Variants in ERCC5 observed in about 807,000 individuals in gnomAD.
ERCC5 encodes DNA excision repair protein ERCC-5.
In ERCC5, 68 loss-of-function variants were observed where a neutral mutation model predicts 105.6. That is an observed-to-expected ratio of 0.64 (90% CI 0.53 to 0.79). ERCC5 has a LOEUF of 0.79. Ranked by LOEUF, ERCC5 falls within the 30% of genes least tolerant of loss-of-function variation. ERCC5 has a pLI of 0.00. For synonymous variants in ERCC5, 546 were observed against 526.2 expected, an observed-to-expected ratio of 1.04 and a Z score of -0.51; for missense variants, 1,373 against 1,426.7, an observed-to-expected ratio of 0.96 and a Z score of 0.61.
Position 102,868,120 on chromosome 13 carries a change from C to T in ERCC5, c.2541C>T (p.Asp847=), listed in dbSNP as rs1595387522. ...AATATTGTTACTCTTTAGGATTGGACCGGAATAAGTTAATAAATTTGGCTT... is the reference window on the plus strand; with the variant it reads ...AATATTGTTACTCTTTAGGATTGGATCGGAATAAGTTAATAAATTTGGCTT... The part of the protein sequence containing the change: ...YVDFHNQLGL[D]RNKLINLAYL... The change falls in exon 12 of 15, where the codon GAC becomes GAT. Residue 847 remains aspartate (D), a synonymous_variant. Coordinates refer to ENST00000652225, the MANE Select transcript of ERCC5 (RefSeq NM_000123.4). 1.2e-6 allele frequency: 2 copies of T among 1,613,756 alleles called. No individual in the cohort carries two copies.
rs1388482169 is a variant in ERCC5, at chr13:102,865,855, C to T, written c.2143C>T (p.Gln715Ter). 2 of 1,614,200 alleles carry T rather than the reference C, an allele frequency of 1.2e-6. No individual in the cohort carries two copies. The highest frequency in any genetic ancestry group is 1.7e-6 in the Non-Finnish European group (2 of 1,180,038). The change falls in exon 9 of 15, where the codon CAG becomes TAG. Residue 715 changes from glutamine (Q) to a stop codon, truncating the protein, a stop_gained. Transcript: ENST00000652225. LOFTEE classifies it high-confidence loss of function. The surrounding 1 kb of genome is among the most constrained non-coding windows in gnomAD (Gnocchi z 4.0). The stretch of plus-strand genomic sequence containing the variant: ...GAGGGACGACGTGGATGGTGAGCCA[C>T]AGGAAGCTGAGAAAGATGCGGAAGA... Reference protein sequence around the residue: ...SERDDVDGEPQEAEKDAEDSL... With the variant: ...SERDDVDGEP
At chr13:102,860,391 A>G (rs1882576880) in intron 6 of ERCC5, among the ~76,000 whole-genome samples, 2 of 152,198 alleles carry the variant, frequency 1.3e-5, no homozygotes, top group Admixed American at 1.3e-4. Flanking sequence ...TCATGACCTC[A>G]GCGTGTGATA....
In ERCC5 at chr13:102,866,841, A is replaced by G. The variant is rs780791902; in HGVS notation, c.2529A>G (p.Gln843=). The change falls in exon 11 of 15, where the codon CAA becomes CAG. Residue 843 remains glutamine, a synonymous_variant. Transcript: ENST00000652225. ...EYYQYVDFHN[Q]LGLDRNKLIN... ...ATCAATATGTGGACTTTCACAATCA[A>G]TTGGGTAAGACTTCAGAGTCTTTTT... 2 of 1,607,910 alleles carry G rather than the reference A, an allele frequency of 1.2e-6. No homozygotes were observed. The highest frequency in any genetic ancestry group is 1.7e-6 in the Non-Finnish European group (2 of 1,176,284).
At position 102,846,310 on chromosome 13, in the gene ERCC5, G is replaced by A; in HGVS notation, c.44G>A (p.Arg15Gln). Residue 15 changes from arginine to glutamine, a missense_variant, in exon 1 of 15, where the codon CGG (arginine) becomes CAG (glutamine). This residue lies in a region of ERCC5 where 1,004 missense variants were observed against 1,059.7 expected (regional missense o/e 0.95). Coordinates refer to ENST00000652225, the MANE Select transcript of ERCC5 (RefSeq NM_000123.4). ...GLWKLLECSGRQVSPEALEGK... is the reference protein window; with the variant it reads ...GLWKLLECSGQQVSPEALEGK... ...TGGAAGCTGCTGGAGTGCTCCGGGCGGCAGGTCAGCCCCGAAGCGCTGGAA... is the reference window on the plus strand; with the variant it reads ...TGGAAGCTGCTGGAGTGCTCCGGGCAGCAGGTCAGCCCCGAAGCGCTGGAA... The A allele has an allele frequency of 6.2e-7, 1 of 1,614,006 alleles. No individual in the cohort carries two copies. The highest frequency in any genetic ancestry group is 8.5e-7 in the Non-Finnish European group (1 of 1,179,986).
rs748793664 is a variant in ERCC5, at chr13:102,853,816, G to T, written c.324G>T (p.Lys108Asn). Residue 108 changes from lysine (K) to asparagine (N), a missense_variant, in exon 3 of 15, where the codon AAG (lysine) becomes AAT (asparagine). Lys to Asn is a moderately conservative substitution (Grantham distance 94, BLOSUM62 0). Around this residue, in one of 3 missense-constraint regions of ERCC5, gnomAD observed 1,004 missense variants for 1,059.7 expected, o/e 0.95. Coordinates refer to ENST00000652225, the MANE Select transcript of ERCC5 (RefSeq NM_000123.4). Reference sequence around the variant, plus strand: ...GTGACTCCAGGAAAACGACAGAGAAGCTTCTGAAAACATTTTTGAAAAGAC... The same window carrying T: ...GTGACTCCAGGAAAACGACAGAGAATCTTCTGAAAACATTTTTGAAAAGAC... ...ASSDSRKTTEKLLKTFLKRQA... is the reference protein window; with the variant it reads ...ASSDSRKTTENLLKTFLKRQA... The T allele has an allele frequency of 6.2e-7, 1 of 1,614,066 alleles. No individual in the cohort carries two copies. The highest frequency in any genetic ancestry group is 8.5e-7 in the Non-Finnish European group (1 of 1,180,044).
Position 102,852,275 on chromosome 13 carries a change from A to G in ERCC5, c.246A>G (p.Leu82=), listed in dbSNP as rs757602836. Residue 82 remains leucine, a synonymous_variant, in exon 2 of 15, where the codon CTA becomes CTG. Transcript: ENST00000652225. Reference sequence around the variant, plus strand: ...TTGTGTTTGATGGGGATGCTCCACTATTGAAGAAACAGACTTTGGTAAGTG... The same window carrying G: ...TTGTGTTTGATGGGGATGCTCCACTGTTGAAGAAACAGACTTTGGTAAGTG... ...PIFVFDGDAP[L]LKKQTLVKRR... 1.2e-6 allele frequency: 2 copies of G among 1,614,086 alleles called. No individual in the cohort carries two copies. Among genetic ancestry groups the G allele is most frequent in the Non-Finnish European group, 8.5e-7 (1 of 1,180,002 alleles).
At chr13:102,856,723 G>A (rs991319165) in intron 5 of ERCC5, among the ~76,000 whole-genome samples, 8 of 152,202 alleles carry the variant, frequency 5.3e-5, no homozygotes, top group Admixed American at 2.6e-4. Context: ...AGTGATTAAC[G>A]AGGTTTCCTT....
chr13:102,866,074 C>G, intron 9 of ERCC5, 163 bp downstream of exon 9: 1 of 1,485,974 alleles, frequency 6.7e-7, no homozygotes, highest in East Asian at 2.3e-5. Context: ...GGGATAGACT[C>G]CGTTTTCCAT....
intron 6 of ERCC5, 108 bp from the exon 7 acceptor site, chr13:102,861,399 A>G (rs1437978430): frequency 1.6e-6 from 2 of 1,242,844 alleles, no homozygotes; most frequent in African/African-American, 1.5e-5. Flanking sequence ...ACCATCAATG[A>G]AAAAAGCCAA....
intron 4 of ERCC5, among the ~76,000 whole-genome samples, chr13:102,855,357 C>A (rs2140520279): frequency 1.3e-5 from 2 of 152,182 alleles, no homozygotes; most frequent in East Asian, 3.9e-4. Flanking sequence ...TTAAGCGATT[C>A]TCCTGCCTCA....
intron 5 of ERCC5, among the ~76,000 whole-genome samples, chr13:102,857,036 A>G (rs1882450395): frequency 6.6e-6 from 1 of 152,240 alleles, no homozygotes; most frequent in African/African-American, 2.4e-5. Flanking sequence ...CATGAATAAC[A>G]TTTTTACAAA....
chr13:102,867,085 G>C (rs914658769), intron 11 of ERCC5, among the ~76,000 whole-genome samples: 1 of 117,136 alleles, frequency 8.5e-6, no homozygotes, highest in Non-Finnish European at 1.9e-5. Flanking sequence ...ACTTTGACTA[G>C]TTACCCGAGA....
At chr13:102,873,408 A>G in intron 14 of ERCC5, 65 bp downstream of exon 14, 1 of 1,572,564 alleles carries the variant, frequency 6.4e-7, no homozygotes, top group Non-Finnish European at 8.8e-7. Context: ...ACAGCTGTTA[A>G]AGACCAGTTA....
rs1287137914 is a variant in ERCC5 at position 102,856,113 on chromosome 13, G to A, written c.528+1G>A. 3 of 1,612,542 alleles carry A rather than the reference G, an allele frequency of 1.9e-6. No individual in the cohort carries two copies. The highest frequency in any genetic ancestry group is 2.2e-5 in the South Asian group (2 of 91,048). ...AATGAATCAAAAACAAGCATTACAGGTATTTAGATCATTTTTGAATTCAGA... is the reference window on the plus strand; with the variant it reads ...AATGAATCAAAAACAAGCATTACAGATATTTAGATCATTTTTGAATTCAGA... On this transcript the variant is annotated splice_donor_variant, in intron 5 of 14. Coordinates refer to ENST00000652225, the MANE Select transcript of ERCC5 (RefSeq NM_000123.4). LOFTEE classifies it high-confidence loss of function.
chr13:102,847,607 A>C (rs1038243220), intron 1 of ERCC5, among the ~76,000 whole-genome samples: 1 of 152,166 alleles, frequency 6.6e-6, no homozygotes, highest in Non-Finnish European at 1.5e-5. Flanking sequence ...ATAAATCTGT[A>C]ATTGATTTTT....
rs1349676548 is a variant in ERCC5, at chr13:102,875,518, G to A, written c.3176G>A (p.Gly1059Asp). ...DKAKGKTQKRGITNTLEESSS... is the reference protein window; with the variant it reads ...DKAKGKTQKRDITNTLEESSS... ...GCAAAAGGAAAAACCCAGAAGAGAG[G>A]CATAACAAATACCTTAGAAGAGTCA... Residue 1059 changes from glycine to aspartate, a missense_variant, in exon 15 of 15, where the codon GGC (glycine) becomes GAC (aspartate). By Grantham distance (94) the Gly-to-Asp change is moderately conservative. This residue lies in a region of ERCC5 where 367 missense variants were observed against 350.2 expected (regional missense o/e 1.05). Transcript: ENST00000652225. 6.2e-7 allele frequency: 1 copy of A among 1,614,046 alleles called. No individual in the cohort carries two copies. The highest frequency in any genetic ancestry group is 1.7e-5 in the Admixed American group (1 of 60,016).
At chr13:102,847,466 G>C (rs918989794) in intron 1 of ERCC5, among the ~76,000 whole-genome samples, 2 of 151,972 alleles carry the variant, frequency 1.3e-5, no homozygotes, top group Non-Finnish European at 2.9e-5. Context: ...GAGTGTGTGG[G>C]CGTTCAGCAA....
Position 102,862,045 on chromosome 13 carries a change from C to T in ERCC5, c.896C>T (p.Thr299Ile), listed in dbSNP as rs775532638. The change falls in exon 8 of 15, where the codon ACA (threonine) becomes ATA (isoleucine). Residue 299 changes from threonine to isoleucine, a missense_variant. Thr to Ile is a moderately conservative substitution (Grantham distance 89). Coordinates refer to ENST00000652225, the MANE Select transcript of ERCC5 (RefSeq NM_000123.4). The part of the protein sequence containing the change: ...YILIKGIQAK[T>I]VAEVDSESLP... Reference sequence around the variant, plus strand: ...TCTTCTTAAGGTATTCAAGCTAAGACAGTTGCAGAAGTGGATTCAGAGTCT... The same window carrying T: ...TCTTCTTAAGGTATTCAAGCTAAGATAGTTGCAGAAGTGGATTCAGAGTCT... 1.2e-6 allele frequency: 2 copies of T among 1,614,190 alleles called. No homozygotes were observed. The highest frequency in any genetic ancestry group is 4.5e-5 in the East Asian group (2 of 44,884).
At chr13:102,870,131 GGTGAA>G in intron 12 of ERCC5, among the ~76,000 whole-genome samples, 1 of 152,184 alleles carries the variant, frequency 6.6e-6, no homozygotes, top group Admixed American at 6.5e-5. Context: ...CACCCTGGCT[GGTGAA>G]TCATTCTTAG....
Sources: allele counts gnomAD v4.1 joint callset (sites outside exome capture counted in the v4.1 genomes callset), GRCh38; gene constraint gnomAD v4.1.1; regional missense constraint gnomAD v4.1.1; non-coding constraint Gnocchi (gnomAD v3.1); transcripts MANE v1.5; gene names NCBI Gene and HGNC (gene_info 2026-07-23, HGNC 2026-07-21).